Variants in RNF180 observed in about 807,000 individuals in gnomAD.
The protein encoded by RNF180 is E3 ubiquitin-protein ligase RNF180.
RNF180 carries 38 observed loss-of-function variants against 59.2 expected under a neutral mutation model. The observed-to-expected ratio is 0.64, with a 90% CI of 0.50 to 0.84. The LOEUF is 0.84. RNF180 is among the 40% of genes least tolerant of loss of function. The probability of loss-of-function intolerance (pLI) is 0.00; values close to 1 mark genes in which losing one functional copy is unlikely to be tolerated. For synonymous variants in RNF180, 262 were observed against 240.3 expected (o/e 1.09, Z -0.84); for missense variants, 705 against 700.9 (o/e 1.01, Z -0.07).
chr5:64,233,618 A>C (rs560569745), intron 5 of RNF180, among the ~76,000 whole-genome samples: 27 of 152,308 alleles, frequency 1.8e-4, no homozygotes, highest in African/African-American at 6.5e-4. Context: ...AAAATCTATG[A>C]AGGAAACTGA....
At chr5:64,315,628 C>A (rs1202827067) in intron 5 of RNF180, among the ~76,000 whole-genome samples, 1 of 150,878 alleles carries the variant, frequency 6.6e-6, no homozygotes, top group Non-Finnish European at 1.5e-5. Context: ...CCTGTAATCC[C>A]AGCTATTTAG....
rs148212217 is a variant in RNF180 at position 64,305,365 on chromosome 5, C to A, written c.1228-19821C>A. On this transcript the variant is annotated intron_variant, in intron 5 of 7. Transcript: ENST00000389100. ...CTGGGGGTCCTATAATTTCTAGATT[C>A]TTCTCTTTCTTCCTTTGTTGATGTT... 3.9e-3 allele frequency among the ~76,000 whole-genome samples: 593 copies of A among 151,628 alleles called. 8 individuals carry two copies. Among genetic ancestry groups the A allele is most frequent in the South Asian group, 6.7e-3 (32 of 4,812 alleles).
At chr5:64,284,521 A>G (rs927903562) in intron 5 of RNF180, among the ~76,000 whole-genome samples, 2 of 152,186 alleles carry the variant, frequency 1.3e-5, no homozygotes, top group African/African-American at 4.8e-5. Context: ...ATAATCCCAC[A>G]TATCTCAGAG....
At chr5:64,310,738 G>T (rs1743723886) in intron 5 of RNF180, among the ~76,000 whole-genome samples, 1 of 151,844 alleles carries the variant, frequency 6.6e-6, no homozygotes, top group Non-Finnish European at 1.5e-5. Context: ...TTCAGTATGT[G>T]ACTTCTACTG....
chr5:64,199,503 C>T (rs1425122988), intron 1 of RNF180, among the ~76,000 whole-genome samples: 1 of 152,170 alleles, frequency 6.6e-6, no homozygotes, highest in Admixed American at 6.5e-5. Context: ...TCTTTTAAAG[C>T]TTCCCAAGTG....
intron 5 of RNF180, among the ~76,000 whole-genome samples, chr5:64,259,557 A>G (rs1744190556): frequency 6.6e-6 from 1 of 152,162 alleles, no homozygotes; most frequent in Non-Finnish European, 1.5e-5. Flanking sequence ...CTGAACTTTA[A>G]TACAGACATA....
At position 64,214,136 on chromosome 5, in the gene RNF180, T is replaced by C; in HGVS notation, c.810T>C (p.Pro270=). Residue 270 remains proline (P), a synonymous_variant, in exon 4 of 8, where the codon CCT becomes CCC. Coordinates refer to ENST00000389100, the MANE Select transcript of RNF180 (RefSeq NM_001113561.2). ...ETQPIDLSGL[P]LQSSKNSYSF... ...AGCCTATTGACCTTTCAGGCTTGCC[T>C]TTACAATCTAGTAAAAATAGCTATT... 7.4e-6 allele frequency: 12 copies of C among 1,614,156 alleles called. No individual in the cohort carries two copies. Among genetic ancestry groups the C allele is most frequent in the Non-Finnish European group, 1.0e-5 (12 of 1,180,024 alleles).
intron 5 of RNF180, among the ~76,000 whole-genome samples, chr5:64,267,044 A>G (rs1002314338): frequency 6.6e-6 from 1 of 152,124 alleles, no homozygotes; most frequent in African/African-American, 2.4e-5. Flanking sequence ...ATGCTGCATC[A>G]GACTGTGGTG....
Position 64,205,989 on chromosome 5 carries a change from T to A in RNF180, c.135+5047T>A, listed in dbSNP as rs1479786790. 2.6e-5 allele frequency among the ~76,000 whole-genome samples: 4 copies of A among 152,122 alleles called. No individual in the cohort carries two copies. In the South Asian group the frequency reaches 8.3e-4, roughly 32 times the overall value. ...AACATTCTCTAGGAAAAAAAAAGTG[T>A]TGATGATTCGTGTTAAATGTTAAAT... On this transcript the variant is annotated intron_variant, in intron 2 of 7. Transcript: ENST00000389100.
rs1329904100 is a variant in RNF180 at position 64,214,272 on chromosome 5, G to A, written c.946G>A (p.Ala316Thr). 3 of 1,613,930 alleles carry A rather than the reference G, an allele frequency of 1.9e-6. No homozygotes were observed. Among genetic ancestry groups the A allele is most frequent in the Non-Finnish European group, 2.5e-6 (3 of 1,180,012 alleles). The change falls in exon 4 of 8, where the codon GCT becomes ACT. Residue 316 changes from alanine (A) to threonine (T), a missense_variant. Coordinates refer to ENST00000389100, the MANE Select transcript of RNF180 (RefSeq NM_001113561.2). ...RGGEFQCGLE[A>T]ASVYSDHTNT... Reference sequence around the variant, plus strand: ...AGGAGAATTTCAGTGTGGTCTAGAAGCTGCTTCAGTGTATTCTGACCATAC... The same window carrying A: ...AGGAGAATTTCAGTGTGGTCTAGAAACTGCTTCAGTGTATTCTGACCATAC...
chr5:64,255,353 C>A (rs1025475149), intron 5 of RNF180, among the ~76,000 whole-genome samples: 1 of 151,958 alleles, frequency 6.6e-6, no homozygotes, highest in South Asian at 2.1e-4. Flanking sequence ...TCCCCCTCGC[C>A]CCAGCCCCAC....
chr5:64,183,441 C>CTTTTTTTTTTTTT, intron 1 of RNF180, among the ~76,000 whole-genome samples: 1 of 89,914 alleles, frequency 1.1e-5, no homozygotes, highest in Non-Finnish European at 2.1e-5. Flanking sequence ...GAAAGTATAC[C>CTTTTTTTTTTTTT]TTTTTTTTTT....
Position 64,369,895 on chromosome 5 carries a change from A to C in RNF180, c.*81A>C, listed in dbSNP as rs1339275440. On this transcript the variant is annotated 3_prime_UTR_variant, in exon 8 of 8. Transcript: ENST00000389100. ...TTAAACATTTTTAAATGTGCTTTGA[A>C]GTTTTTTTAATGTTGCATTATACAA... 1.3e-6 allele frequency: 1 copy of C among 783,550 alleles called. No homozygotes were observed. The highest frequency in any genetic ancestry group is 1.9e-6 in the Non-Finnish European group (1 of 526,878). 48.5% of individuals were successfully genotyped at this position (783,550 alleles called of 1,614,324 possible). A position where few individuals can be genotyped will look rare whatever the true frequency, so the allele number is the denominator to read the frequency against.
At chr5:64,301,946 C>G (rs182834984) in intron 5 of RNF180, among the ~76,000 whole-genome samples, 20 of 151,684 alleles carry the variant, frequency 1.3e-4, no homozygotes, top group African/African-American at 4.1e-4. Flanking sequence ...AGCAATAATA[C>G]AACTTAACAC....
intron 5 of RNF180, among the ~76,000 whole-genome samples, chr5:64,316,442 C>G (rs76106887): frequency 1.3e-4 from 20 of 152,242 alleles, no homozygotes; most frequent in Non-Finnish European, 2.6e-4. Flanking sequence ...GTTTGTACTG[C>G]AGAAGAGGCT....
chr5:64,243,863 C>T (rs1296590636), intron 5 of RNF180, among the ~76,000 whole-genome samples: 1 of 152,142 alleles, frequency 6.6e-6, no homozygotes, highest in African/African-American at 2.4e-5. Flanking sequence ...CTGGTGGGTG[C>T]CCCTCTGGGA....
intron 5 of RNF180, among the ~76,000 whole-genome samples, chr5:64,311,542 T>G (rs1449775467): frequency 2.0e-5 from 3 of 151,980 alleles, no homozygotes; most frequent in Non-Finnish European, 2.9e-5. Flanking sequence ...CTGTTTTATC[T>G]TTTTGTAACC....
In RNF180 at chr5:64,228,058, G is replaced by A. The variant is rs371098638; in HGVS notation, c.1227+10662G>A. On this transcript the variant is annotated intron_variant, in intron 5 of 7. Transcript: ENST00000389100. ...AGCCTCCATGTGCCCCCAAACTTGG[G>A]AGGTACCTGGAATCCTCTCCTTGGC... is the stretch of plus-strand genomic sequence containing the variant. Among the ~76,000 whole-genome samples the A allele has an allele frequency of 2.0e-5, 3 of 152,148 alleles. No individual in the cohort carries two copies. The South Asian group carries it at 6.2e-4, about 32-fold the overall frequency.
intron 5 of RNF180, among the ~76,000 whole-genome samples, chr5:64,248,131 G>C (rs1020597294): frequency 6.6e-6 from 1 of 152,116 alleles, no homozygotes; most frequent in Non-Finnish European, 1.5e-5. Context: ...AGGCCTAAAC[G>C]TAAGACCTAA....
Sources: allele counts gnomAD v4.1 joint callset (sites outside exome capture counted in the v4.1 genomes callset), GRCh38; gene constraint gnomAD v4.1.1; transcripts MANE v1.5; gene names NCBI Gene and HGNC (gene_info 2026-07-23, HGNC 2026-07-21).